The following KATNBL1 variants were observed in gnomAD, a reference collection of about 807,000 sequenced individuals.
The protein encoded by KATNBL1 is katanin regulatory subunit B1 like 1.
Under a neutral mutation model 44.7 loss-of-function variants are expected in KATNBL1, and 28 were observed. The observed-to-expected ratio is 0.63, with a 90% CI of 0.46 to 0.86. The LOEUF is 0.86. Ranked by LOEUF, KATNBL1 falls within the 40% of genes least tolerant of loss-of-function variation. The pLI is 0.00. For synonymous variants in KATNBL1, 78 were observed against 114.9 expected (o/e 0.68, Z 2.06); for missense variants, 272 against 350.7 (o/e 0.78, Z 1.79).
At chr15:34,184,157 T>C (rs138492563) in intron 1 of KATNBL1, among the ~76,000 whole-genome samples, 2,975 of 152,058 alleles carry the variant, frequency 0.02, 42 homozygotes, top group Admixed American at 0.036. Flanking sequence ...TACAAAAGAA[T>C]TAGCCAGGCG....
chr15:34,173,915 C>A (rs1047425867), intron 1 of KATNBL1, among the ~76,000 whole-genome samples: 2 of 152,052 alleles, frequency 1.3e-5, no homozygotes, highest in African/African-American at 2.4e-5. Context: ...GAATTTGTTA[C>A]CAGCAGATCT....
chr15:34,207,620 G>A (rs1890328506), intron 1 of KATNBL1, among the ~76,000 whole-genome samples: 3 of 21,308 alleles, frequency 1.4e-4, no homozygotes, highest in African/African-American at 6.2e-4. Flanking sequence ...GATTACAGGT[G>A]TGAGCCACAC....
intron 4 of KATNBL1, among the ~76,000 whole-genome samples, chr15:34,151,436 C>CTTTTTT (rs58824450): frequency 1.3e-4 from 8 of 60,676 alleles, no homozygotes; most frequent in Middle Eastern, 0.013. Flanking sequence ...CCTTTGCCTA[C>CTTTTTT]TTTTTTTTTT....
intron 1 of KATNBL1, among the ~76,000 whole-genome samples, chr15:34,204,206 C>T (rs910305091): frequency 2.0e-5 from 3 of 152,102 alleles, no homozygotes. Context: ...GAAAAATAAA[C>T]CTCTGAAATA....
At chr15:34,181,156 T>C (rs1249891532) in intron 1 of KATNBL1, among the ~76,000 whole-genome samples, 1 of 149,036 alleles carries the variant, frequency 6.7e-6, no homozygotes, top group East Asian at 1.9e-4. Flanking sequence ...TTTTAATGGA[T>C]GCTGTATGGT....
chr15:34,200,042 C>T (rs191558792), intron 1 of KATNBL1, among the ~76,000 whole-genome samples: 28 of 152,234 alleles, frequency 1.8e-4, no homozygotes, highest in East Asian at 1.9e-4. Context: ...TTTACAGAAT[C>T]CTGATTGGTG....
chr15:34,154,781 T>A (rs772686518), intron 2 of KATNBL1, 97 bp from the exon 3 acceptor site: 1 of 815,818 alleles, frequency 1.2e-6, no homozygotes, highest in East Asian at 2.6e-5. Flanking sequence ...AGCAAGGCAA[T>A]TTACTTCTGC....
At chr15:34,147,326 C>T (rs1248789878) in intron 6 of KATNBL1, 37 bp from the exon 7 acceptor site, 1 of 1,590,792 alleles carries the variant, frequency 6.3e-7, no homozygotes, top group South Asian at 1.1e-5. Context: ...TATGGATGGG[C>T]CATAATTTGA....
chr15:34,189,729 C>A (rs78950525), intron 1 of KATNBL1, among the ~76,000 whole-genome samples: 2,879 of 152,244 alleles, frequency 0.019, 81 homozygotes, highest in African/African-American at 0.066. Flanking sequence ...TTGTTCCCTG[C>A]AGTTTACTCA....
intron 1 of KATNBL1, among the ~76,000 whole-genome samples, chr15:34,186,063 T>C (rs1889706029): frequency 6.6e-6 from 1 of 152,220 alleles, no homozygotes; most frequent in Non-Finnish European, 1.5e-5. Flanking sequence ...ATCACTTCTA[T>C]GGGACAATTG....
chr15:34,174,575 C>T (rs1889265692), intron 1 of KATNBL1, among the ~76,000 whole-genome samples: 1 of 151,974 alleles, frequency 6.6e-6, no homozygotes, highest in African/African-American at 2.4e-5. Flanking sequence ...CCTAATTATA[C>T]GTTGTCCACA....
intron 1 of KATNBL1, among the ~76,000 whole-genome samples, chr15:34,168,386 T>C (rs1210282932): frequency 6.6e-6 from 1 of 152,068 alleles, no homozygotes. Flanking sequence ...CAAGAAGAGC[T>C]AACTATCTTA....
rs141942735 is a variant in KATNBL1, at chr15:34,157,348, G to C, written c.118-2664C>G. Among the ~76,000 whole-genome samples the C allele has an allele frequency of 2.2e-3, 342 of 152,270 alleles. 2 individuals carry two copies. Among genetic ancestry groups the C allele is most frequent in the African/African-American group, 7.9e-3 (327 of 41,550 alleles). On this transcript the variant is annotated intron_variant, in intron 2 of 9. Coordinates refer to ENST00000256544, the MANE Select transcript of KATNBL1 (RefSeq NM_024713.3). The stretch of plus-strand genomic sequence containing the variant: ...GTGATGAGTCCATCCCATTTCTGCT[G>C]TTTGAACTGTGGTCTCAATGGTTAG...
chr15:34,171,864 C>T (rs981369484), intron 1 of KATNBL1, among the ~76,000 whole-genome samples: 1 of 151,128 alleles, frequency 6.6e-6, no homozygotes, highest in African/African-American at 2.4e-5. Flanking sequence ...TATGTTCTCA[C>T]TCACAGGTGG....
chr15:34,180,964 G>T (rs1423707849), intron 1 of KATNBL1, among the ~76,000 whole-genome samples: 2 of 152,088 alleles, frequency 1.3e-5, no homozygotes, highest in Non-Finnish European at 2.9e-5. Flanking sequence ...GATCCATTCA[G>T]ATCTTCCTTC....
rs1321698287 is a variant in KATNBL1, at chr15:34,191,377, A to T, written c.-15+18574T>A. ...TGGGTTGTTTCCATTTTTCACTATT[A>T]TTAGTAAAATTACTGTAAGTCATGT... On this transcript the variant is annotated intron_variant, in intron 1 of 9. Transcript: ENST00000256544. Among the ~76,000 whole-genome samples the T allele has an allele frequency of 3.3e-5, 5 of 151,862 alleles. 1 individual carries two copies. The South Asian group carries it at 1.0e-3, about 32-fold the overall frequency.
At chr15:34,188,137 T>TAAAAAAAAAAAAAAA (rs1201268078) in intron 1 of KATNBL1, among the ~76,000 whole-genome samples, 324 of 22,124 alleles carry the variant, frequency 0.015, 16 homozygotes, top group African/African-American at 0.016. Context: ...AGACGCCATG[T>TAAAAAAAAAAAAAAA]AAAAAAAAAA....
In KATNBL1 at chr15:34,154,644, C is replaced by T; in HGVS notation, c.158G>A (p.Arg53Lys). ...SPKQLAAYIN[R>K]TVGQTVKSPD... Reference sequence around the variant, plus strand: ...CCACAAACTTTAAAGAAACTCTTACCTATTTATGTAAGCAGCCAACTGTTT... The same window carrying T: ...CCACAAACTTTAAAGAAACTCTTACTTATTTATGTAAGCAGCCAACTGTTT... Residue 53 changes from arginine (R) to lysine (K), a missense_variant and splice_region_variant, in exon 3 of 10, where the codon AGA (arginine) becomes AAA (lysine). Physicochemically the swap from Arg to Lys is conservative, Grantham distance 26. This residue lies in a region of KATNBL1 where 122 missense variants were observed against 125.0 expected (regional missense o/e 0.98). Transcript: ENST00000256544. The T allele has an allele frequency of 1.3e-6, 2 of 1,567,734 alleles. No homozygotes were observed. Among genetic ancestry groups the T allele is most frequent in the South Asian group, 1.1e-5 (1 of 90,000 alleles).
intron 2 of KATNBL1, among the ~76,000 whole-genome samples, chr15:34,155,465 G>C (rs1008035650): frequency 1.3e-5 from 2 of 152,184 alleles, no homozygotes; most frequent in African/African-American, 4.8e-5. Flanking sequence ...AGAGAAGTAA[G>C]GATGGTGGCT....
Sources: allele counts gnomAD v4.1 joint callset (sites outside exome capture counted in the v4.1 genomes callset), GRCh38; gene constraint gnomAD v4.1.1; regional missense constraint gnomAD v4.1.1; transcripts MANE v1.5; gene names NCBI Gene and HGNC (gene_info 2026-07-23, HGNC 2026-07-21).